The following WWOX variants were observed in gnomAD, a reference collection of about 807,000 sequenced individuals.
The protein encoded by WWOX is WW domain-containing oxidoreductase.
A neutral mutation model predicts 46.2 loss-of-function variants in WWOX; 69 were observed. The observed-to-expected ratio is 1.49, with a 90% CI of 1.23 to 1.82. The LOEUF is 1.82. WWOX is among the 40% of genes most tolerant of loss of function. WWOX has a pLI of 0.00. For missense variants in WWOX, 919 were observed against 542.6 expected (o/e 1.69, Z -6.89); for synonymous variants, 359 against 202.6 (o/e 1.77, Z -6.56).
chr16:78,262,400 T>G (rs1342291342), intron 5 of WWOX, among the ~76,000 whole-genome samples: 1 of 152,194 alleles, frequency 6.6e-6, no homozygotes, highest in African/African-American at 2.4e-5. Flanking sequence ...CAAGGGACCT[T>G]CAGTCTGTTT....
intron 8 of WWOX, among the ~76,000 whole-genome samples, chr16:78,997,063 G>C (rs919121320): frequency 1.3e-5 from 2 of 152,144 alleles, no homozygotes; most frequent in African/African-American, 4.8e-5. Context: ...GCGGCTGTCA[G>C]ATTCCAAAGG....
intron 8 of WWOX, among the ~76,000 whole-genome samples, chr16:78,737,421 G>A (rs1348529984): frequency 6.6e-6 from 1 of 152,072 alleles, no homozygotes; most frequent in East Asian, 1.9e-4. Flanking sequence ...ACAGGTGTGA[G>A]CCACAATGCC....
At chr16:78,181,638 A>C (rs1181670287) in intron 5 of WWOX, among the ~76,000 whole-genome samples, 1 of 152,142 alleles carries the variant, frequency 6.6e-6, no homozygotes, top group Non-Finnish European at 1.5e-5. Flanking sequence ...GAAATTTTCT[A>C]ATTGACTGGG....
intron 5 of WWOX, among the ~76,000 whole-genome samples, chr16:78,360,585 C>CAGAAAAAAAA (rs2081387433): frequency 1.2e-5 from 1 of 86,546 alleles, no homozygotes; most frequent in Non-Finnish European, 2.2e-5. Flanking sequence ...GACTCTGTCT[C>CAGAAAAAAAA]AAAAAAAAAA....
chr16:79,041,788 C>A (rs556931584), intron 8 of WWOX, among the ~76,000 whole-genome samples: 1 of 152,148 alleles, frequency 6.6e-6, no homozygotes. Flanking sequence ...TCATTCCATA[C>A]GCTTTTGCTT....
At chr16:79,113,108 G>C (rs1408809435) in intron 8 of WWOX, among the ~76,000 whole-genome samples, 1 of 152,190 alleles carries the variant, frequency 6.6e-6, no homozygotes, top group Non-Finnish European at 1.5e-5. Context: ...TAAGCAATCA[G>C]AAAAACATAT....
In WWOX at chr16:79,074,409, CTTTTTTTTTTTTTTT is replaced by C. The variant is rs60074156; in HGVS notation, c.1057-137180_1057-137166del. On this transcript the variant is annotated intron_variant, in intron 8 of 8. Transcript: ENST00000566780. ...CATCCTGACTGAAATGTCACTAGTC[CTTTTTTTTTTTTTTT>C]TTTTTTTTTTTTTTTTTTGGTCATA... Among the ~76,000 whole-genome samples, 12 of 30,986 alleles carry C rather than the reference CTTTTTTTTTTTTTTT, an allele frequency of 3.9e-4. 1 individual carries two copies. In the East Asian group the frequency reaches 5.5e-3, roughly 14 times the overall value. 20.3% of individuals were successfully genotyped at this position (30,986 alleles called of 152,430 possible). A position where few individuals can be genotyped will look rare whatever the true frequency, so the allele number is the denominator to read the frequency against.
At chr16:79,160,263 C>G (rs952027246) in intron 8 of WWOX, among the ~76,000 whole-genome samples, 27 of 152,112 alleles carry the variant, frequency 1.8e-4, no homozygotes, top group Admixed American at 7.2e-4. Context: ...GTCCACAGAG[C>G]CACCAAGCAA....
At chr16:78,853,980 A>G (rs1210809920) in intron 8 of WWOX, among the ~76,000 whole-genome samples, 1 of 152,240 alleles carries the variant, frequency 6.6e-6, no homozygotes, top group Non-Finnish European at 1.5e-5. Context: ...AGAATGTTCG[A>G]TTAAAAAATG....
rs1009126792 is a variant in WWOX at position 78,586,531 on chromosome 16, C to T, written c.1056+153779C>T. On this transcript the variant is annotated intron_variant, in intron 8 of 8. Coordinates refer to ENST00000566780, the MANE Select transcript of WWOX (RefSeq NM_016373.4). ...TTTACTCATTGTCTAATTGAATTCTCCAACAACCTTGCAATACGCTTGTTA... is the reference window on the plus strand; with the variant it reads ...TTTACTCATTGTCTAATTGAATTCTTCAACAACCTTGCAATACGCTTGTTA... 7.2e-5 allele frequency among the ~76,000 whole-genome samples: 11 copies of T among 152,278 alleles called. No individual in the cohort carries two copies. The East Asian group carries it at 7.7e-4, about 11-fold the overall frequency.
intron 5 of WWOX, among the ~76,000 whole-genome samples, chr16:78,269,560 C>T (rs1306260554): frequency 6.6e-6 from 1 of 152,168 alleles, no homozygotes; most frequent in Non-Finnish European, 1.5e-5. Flanking sequence ...ACTCGGAGAT[C>T]AGCAGTCCGG....
At chr16:78,803,401 G>T (rs1179773050) in intron 8 of WWOX, among the ~76,000 whole-genome samples, 1 of 152,058 alleles carries the variant, frequency 6.6e-6, no homozygotes, top group African/African-American at 2.4e-5. Context: ...TGTTTTATAT[G>T]GAGGTTTTAA....
intron 6 of WWOX, among the ~76,000 whole-genome samples, chr16:78,392,646 C>A (rs1389470618): frequency 2.0e-5 from 3 of 152,088 alleles, no homozygotes; most frequent in Non-Finnish European, 4.4e-5. Flanking sequence ...TCTGTGGTGT[C>A]TTTTAACATA....
chr16:78,872,778 G>C (rs1297983487), intron 8 of WWOX: 2 of 152,142 alleles, frequency 1.3e-5, no homozygotes, highest in Non-Finnish European at 1.5e-5. Flanking sequence ...TACTTCACAT[G>C]CAGAGGCCCC....
intron 8 of WWOX, among the ~76,000 whole-genome samples, chr16:79,135,497 T>C (rs2049965799): frequency 6.6e-6 from 1 of 152,208 alleles, no homozygotes; most frequent in Admixed American, 6.5e-5. Flanking sequence ...TTAAAAGAGA[T>C]TTAAGTTATT....
chr16:78,542,303 C>G (rs749484912), intron 8 of WWOX, among the ~76,000 whole-genome samples: 3 of 152,044 alleles, frequency 2.0e-5, no homozygotes, highest in African/African-American at 7.2e-5. Flanking sequence ...GACTTTGACT[C>G]TAGATGACAT....
intron 8 of WWOX, among the ~76,000 whole-genome samples, chr16:78,970,297 C>T (rs2046444878): frequency 6.6e-6 from 1 of 152,306 alleles, no homozygotes; most frequent in South Asian, 2.1e-4. Context: ...TGATTCTCTG[C>T]CCTTCCCCAC....
At chr16:78,699,418 A>G (rs2048166125) in intron 8 of WWOX, among the ~76,000 whole-genome samples, 1 of 151,456 alleles carries the variant, frequency 6.6e-6, no homozygotes, top group Admixed American at 6.6e-5. Context: ...TTGTGACTGT[A>G]CTCCCAGCTA....
chr16:78,112,774 G>T (rs373463739), intron 3 of WWOX, among the ~76,000 whole-genome samples: 3 of 148,170 alleles, frequency 2.0e-5, no homozygotes, highest in Non-Finnish European at 4.4e-5. Context: ...GTCACAGCTC[G>T]CTGCAGCCTC....
Sources: allele counts gnomAD v4.1 joint callset (sites outside exome capture counted in the v4.1 genomes callset), GRCh38; gene constraint gnomAD v4.1.1; transcripts MANE v1.5; gene names NCBI Gene and HGNC (gene_info 2026-07-23, HGNC 2026-07-21).